Variants in N4BP2 observed in about 807,000 individuals in gnomAD.
The protein encoded by N4BP2 is NEDD4 binding protein 2, also known as NEDD4-binding protein 2.
Under a neutral mutation model 152.8 loss-of-function variants are expected in N4BP2, and 91 were observed. The ratio of observed to expected loss-of-function variants is 0.60; its 90% CI spans 0.50 to 0.71. The LOEUF (loss-of-function observed/expected upper bound fraction) is 0.71, where lower values mean the gene tolerates loss of function less well. N4BP2 is among the 30% of genes least tolerant of loss of function. The pLI is 0.00. For missense variants in N4BP2, 1,923 were observed against 2,059.1 expected (o/e 0.93, Z 1.28); for synonymous variants, 646 against 705.3 (o/e 0.92, Z 1.33).
intron 7 of N4BP2, among the ~76,000 whole-genome samples, chr4:40,116,623 T>G (rs1717362863): frequency 6.6e-6 from 1 of 152,212 alleles, no homozygotes; most frequent in Non-Finnish European, 1.5e-5. Flanking sequence ...TTGTCCAGAA[T>G]ATACAGGTAG....
intron 1 of N4BP2, among the ~76,000 whole-genome samples, chr4:40,060,365 C>T (rs1200500881): frequency 6.6e-6 from 1 of 152,082 alleles, no homozygotes; most frequent in Non-Finnish European, 1.5e-5. Flanking sequence ...CTGCCTCAGC[C>T]TCCCAAGTAG....
At chr4:40,123,239 C>G (rs747988836) in intron 10 of N4BP2, 27 bp downstream of exon 10, 5 of 1,466,928 alleles carry the variant, frequency 3.4e-6, no homozygotes, top group South Asian at 2.3e-5. Flanking sequence ...TTATAAAGAG[C>G]TCCTTTTTTG....
At chr4:40,187,981 A>G in the N4BP2 span, among the ~76,000 whole-genome samples, 9 of 152,260 alleles carry the variant, frequency 5.9e-5, no homozygotes, top group Admixed American at 5.2e-4. Flanking sequence ...CTGTTCTTTA[A>G]AAGTGCAAGG....
chr4:40,100,595 C>T (rs1259815119), intron 3 of N4BP2, among the ~76,000 whole-genome samples: 3 of 152,068 alleles, frequency 2.0e-5, no homozygotes, highest in African/African-American at 7.2e-5. Context: ...TGGTCTCGAA[C>T]TCCTGGGCTC....
In N4BP2 at chr4:40,121,566, C is replaced by CT. The variant is rs1717915283; in HGVS notation, c.3460dup (p.Ser1154PhefsTer11). 6.2e-7 allele frequency: 1 copy of CT among 1,613,842 alleles called. No homozygotes were observed. Among genetic ancestry groups the CT allele is most frequent in the African/African-American group, 1.3e-5 (1 of 74,870 alleles). ...TCGTGTGATGGATCACAAATTGGGC[C>CT]TTTTTCTCTGGGGTTGAATTTGAAA... On this transcript the variant is annotated frameshift_variant, in exon 9 of 18. Coordinates refer to ENST00000261435, the MANE Select transcript of N4BP2 (RefSeq NM_018177.6). LOFTEE classifies it high-confidence loss of function.
intron 17 of N4BP2, among the ~76,000 whole-genome samples, chr4:40,153,442 A>C (rs908407937): frequency 4.6e-5 from 7 of 152,204 alleles, no homozygotes; most frequent in African/African-American, 1.7e-4. Flanking sequence ...TTGTGTTTTC[A>C]TAAGTTAAAT....
At chr4:40,088,918 T>G (rs1453450116) in intron 2 of N4BP2, among the ~76,000 whole-genome samples, 2 of 152,164 alleles carry the variant, frequency 1.3e-5, no homozygotes, top group Non-Finnish European at 2.9e-5. Context: ...TTTTTGCTGA[T>G]TTTCCAATTG....
chr4:40,082,728 T>C (rs1040125262), intron 2 of N4BP2, among the ~76,000 whole-genome samples: 3 of 148,986 alleles, frequency 2.0e-5, no homozygotes, highest in Non-Finnish European at 4.5e-5. Context: ...TGAGACAGAG[T>C]CTTGCTTTGT....
intron 16 of N4BP2, among the ~76,000 whole-genome samples, chr4:40,150,260 T>C (rs1721025665): frequency 6.6e-6 from 1 of 152,214 alleles, no homozygotes; most frequent in Non-Finnish European, 1.5e-5. Context: ...CAAATCAAAC[T>C]AGGAGCAGAT....
intron 4 of N4BP2, among the ~76,000 whole-genome samples, chr4:40,105,070 G>A (rs1351301744): frequency 6.6e-6 from 1 of 152,134 alleles, no homozygotes; most frequent in Non-Finnish European, 1.5e-5. Flanking sequence ...CCAAAGTGCT[G>A]GGATTACAGG....
At chr4:40,080,756 C>G (rs1042894573) in intron 2 of N4BP2, among the ~76,000 whole-genome samples, 17 of 151,794 alleles carry the variant, frequency 1.1e-4, no homozygotes, top group African/African-American at 3.9e-4. Context: ...CTCCTGGGTT[C>G]ACGCCATTCT....
At position 40,156,357 on chromosome 4, in the gene N4BP2, A is replaced by G. The variant is rs1721596945; in HGVS notation, c.*2120A>G. 6.6e-6 allele frequency: 1 copy of G among 152,132 alleles called. No individual in the cohort carries two copies. The highest frequency in any genetic ancestry group is 2.1e-4 in the South Asian group (1 of 4,818). 9.4% of individuals were successfully genotyped at this position (152,132 alleles called of 1,614,324 possible). A position where few individuals can be genotyped will look rare whatever the true frequency, so the allele number is the denominator to read the frequency against. On this transcript the variant is annotated 3_prime_UTR_variant, in exon 18 of 18. Coordinates refer to ENST00000261435, the MANE Select transcript of N4BP2 (RefSeq NM_018177.6). ...GCAGAAGTCAAATGAAAAAAGCTAT[A>G]TTGTTTACTTGTTTACTATATCAAT...
At chr4:40,137,177 C>A in intron 14 of N4BP2, 95 bp downstream of exon 14, 1 of 1,025,516 alleles carries the variant, frequency 9.8e-7, no homozygotes, top group Non-Finnish European at 1.4e-6. Context: ...GATTATTTCT[C>A]ACCATTTTGA....
intron 2 of N4BP2, among the ~76,000 whole-genome samples, chr4:40,096,224 T>C (rs1715095838): frequency 6.6e-6 from 1 of 152,140 alleles, no homozygotes; most frequent in South Asian, 2.1e-4. Flanking sequence ...ACATATGCTA[T>C]GTAAGAAAAC....
At chr4:40,147,338 G>A (rs569915336) in intron 16 of N4BP2, among the ~76,000 whole-genome samples, 5 of 152,354 alleles carry the variant, frequency 3.3e-5, no homozygotes, top group East Asian at 1.9e-4. Context: ...GCGACCATCC[G>A]ATTTCTCAAT....
intron 11 of N4BP2, among the ~76,000 whole-genome samples, chr4:40,124,857 A>C (rs954964398): frequency 6.6e-6 from 1 of 152,214 alleles, no homozygotes; most frequent in Non-Finnish European, 1.5e-5. Context: ...GATCAAGAAC[A>C]TCATTGAAAT....
At chr4:40,183,238 C>T in the N4BP2 span, among the ~76,000 whole-genome samples, 5 of 152,212 alleles carry the variant, frequency 3.3e-5, no homozygotes, top group Non-Finnish European at 5.9e-5. Context: ...TTCAAATGAC[C>T]GTGTGTAACA....
intron 1 of N4BP2, among the ~76,000 whole-genome samples, chr4:40,069,290 T>C (rs1461760834): frequency 2.0e-5 from 3 of 151,602 alleles, no homozygotes; most frequent in African/African-American, 7.3e-5. Context: ...AATGCAAAAA[T>C]TAGCTGGGCT....
chr4:40,066,320 C>CTTTTT (rs11384930), intron 1 of N4BP2, among the ~76,000 whole-genome samples: 1 of 129,068 alleles, frequency 7.7e-6, no homozygotes, highest in African/African-American at 2.9e-5. Flanking sequence ...GTGATTTTCC[C>CTTTTT]TTTTTTTTTT....
Sources: gnomAD v4.1 joint callset for allele counts (sites outside exome capture counted in the v4.1 genomes callset) on GRCh38, gnomAD v4.1.1 for gene constraint, MANE v1.5 for transcripts, NCBI Gene and HGNC (gene_info 2026-07-23, HGNC 2026-07-21) for gene names.